The following ALDH1A3 variants were observed in gnomAD, a reference collection of about 807,000 sequenced individuals.
ALDH1A3 encodes retinaldehyde dehydrogenase 3.
Under a neutral mutation model 57.5 loss-of-function variants are expected in ALDH1A3, and 28 were observed. The observed-to-expected ratio is 0.49, with a 90% CI of 0.36 to 0.67. ALDH1A3 has a LOEUF of 0.67. Ranked by LOEUF, ALDH1A3 falls within the 30% of genes least tolerant of loss-of-function variation. The pLI, the probability that ALDH1A3 is intolerant of heterozygous loss-of-function variation, is 0.00. For synonymous variants in ALDH1A3, 281 were observed against 264.8 expected (o/e 1.06, Z -0.59); for missense variants, 507 against 669.4 (o/e 0.76, Z 2.68).
chr15:100,898,912 C>T (rs1438622849), intron 8 of ALDH1A3, among the ~76,000 whole-genome samples: 1 of 152,184 alleles, frequency 6.6e-6, no homozygotes, highest in Non-Finnish European at 1.5e-5. Context: ...GTGTGACTTC[C>T]CAAGTGCCTT....
rs560418569 is a variant in ALDH1A3 at position 100,887,700 on chromosome 15, C to T, written c.333C>T (p.Arg111=). The T allele has an allele frequency of 6.1e-5, 98 of 1,603,640 alleles. No homozygotes were observed. Among genetic ancestry groups the T allele is most frequent in the Admixed American group, 1.9e-4 (11 of 58,970 alleles). The part of the protein sequence containing the change: ...HQLADLVERD[R]ATLAALETMD... The stretch of plus-strand genomic sequence containing the variant: ...TGGCTGACCTGGTGGAGAGGGACCG[C>T]GCCACCTTGGCCGTGAGTACATGCA... Residue 111 remains arginine (R), a synonymous_variant, in exon 3 of 13, where the codon CGC becomes CGT. Coordinates refer to ENST00000329841, the MANE Select transcript of ALDH1A3 (RefSeq NM_000693.4). The surrounding 1 kb of genome is among the most constrained non-coding windows in gnomAD (Gnocchi z 4.6).
intron 1 of ALDH1A3, chr15:100,880,252 C>T (rs2041533264): frequency 7.7e-6 from 3 of 389,518 alleles, no homozygotes; most frequent in Admixed American, 8.9e-5. Flanking sequence ...GTCCAGCGCC[C>T]GCGCGGGGCC....
chr15:100,891,114 CA>C (rs2041644934), intron 3 of ALDH1A3, among the ~76,000 whole-genome samples: 2 of 152,358 alleles, frequency 1.3e-5, no homozygotes, highest in Non-Finnish European at 2.9e-5. Context: ...TCAGTGTAAT[CA>C]TCAGTGTTCT....
chr15:100,892,571 G>A lies in ALDH1A3; in HGVS notation c.407G>A (p.Gly136Asp). The change falls in exon 4 of 13, where the codon GGC (glycine) becomes GAC (aspartate). Residue 136 changes from glycine (G) to aspartate (D), a missense_variant. Gly to Asp is a moderately conservative substitution (Grantham distance 94). Around this residue, in one of 2 missense-constraint regions of ALDH1A3, gnomAD observed 432 missense variants for 608.4 expected, o/e 0.71. Transcript: ENST00000329841. ...FLHAFFIDLE[G>D]CIRTLRYFAG... is the part of the protein sequence containing the mutation. Reference sequence around the variant, plus strand: ...CATGCTTTTTTCATCGACCTGGAGGGCTGTATTAGAACCCTCAGATACTTT... The same window carrying A: ...CATGCTTTTTTCATCGACCTGGAGGACTGTATTAGAACCCTCAGATACTTT... The A allele has an allele frequency of 6.2e-7, 1 of 1,613,400 alleles. No homozygotes were observed. The highest frequency in any genetic ancestry group is 8.5e-7 in the Non-Finnish European group (1 of 1,179,772).
chr15:100,886,357 G>A (rs757386099), intron 2 of ALDH1A3, among the ~76,000 whole-genome samples: 13 of 152,200 alleles, frequency 8.5e-5, no homozygotes, highest in Non-Finnish European at 1.8e-4. Context: ...CAAGTGCCCC[G>A]TACAGGTGCT....
chr15:100,892,521 G>A lies in ALDH1A3; in HGVS notation c.357G>A (p.Thr119=), dbSNP rs1260832164. 4.3e-6 allele frequency: 7 copies of A among 1,612,570 alleles called. No homozygotes were observed. Among genetic ancestry groups the A allele is most frequent in the African/African-American group, 4.0e-5 (3 of 74,846 alleles). ...TCTTGTTATTGCAGGCCCTGGAGAC[G>A]ATGGATACAGGGAAGCCATTTCTTC... ...RDRATLAALE[T]MDTGKPFLHA... is the part of the protein sequence containing the mutation. The change falls in exon 4 of 13, where the codon ACG becomes ACA. Residue 119 remains threonine, a synonymous_variant. Coordinates refer to ENST00000329841, the MANE Select transcript of ALDH1A3 (RefSeq NM_000693.4).
chr15:100,880,175 C>A, intron 1 of ALDH1A3, 169 bp downstream of exon 1: 1 of 426,084 alleles, frequency 2.3e-6, no homozygotes. Flanking sequence ...TTTCGCGGGA[C>A]GTCTCGGGCG....
At position 100,915,731 on chromosome 15, in the gene ALDH1A3, T is replaced by C. The variant is rs1440287033; in HGVS notation, c.*958T>C. On this transcript the variant is annotated 3_prime_UTR_variant, in exon 13 of 13. Transcript: ENST00000329841. ...TCCAGTTCTGTTACCCAATTTAGAT[T>C]AGTAAAGCGTACACAACTGGAAAGA... 1 of 152,234 alleles carries C rather than the reference T, an allele frequency of 6.6e-6. No homozygotes were observed. The highest frequency in any genetic ancestry group is 2.4e-5 in the African/African-American group (1 of 41,460). 9.4% of individuals were successfully genotyped at this position (152,234 alleles called of 1,614,324 possible). A position where few individuals can be genotyped will look rare whatever the true frequency, so the allele number is the denominator to read the frequency against.
chr15:100,900,941 G>A (rs570413709), intron 9 of ALDH1A3, among the ~76,000 whole-genome samples, 182 bp downstream of exon 9: 4 of 152,306 alleles, frequency 2.6e-5, no homozygotes, highest in South Asian at 4.1e-4. Flanking sequence ...GGGGGCTCAC[G>A]AAAGGGGGCA....
chr15:100,897,967 G>A (rs1203764155), intron 7 of ALDH1A3, 116 bp from the exon 8 acceptor site: 15 of 910,460 alleles, frequency 1.6e-5, no homozygotes, highest in Middle Eastern at 2.2e-4. Context: ...CGCCTGGGCC[G>A]AGAGCCAGGT....
chr15:100,912,461 G>A (rs2041890448), intron 12 of ALDH1A3, among the ~76,000 whole-genome samples: 1 of 152,108 alleles, frequency 6.6e-6, no homozygotes, highest in Non-Finnish European at 1.5e-5. Context: ...TTCACACAGT[G>A]TTGTAAATTT....
chr15:100,891,141 C>A (rs746832040), intron 3 of ALDH1A3, among the ~76,000 whole-genome samples: 2 of 152,196 alleles, frequency 1.3e-5, no homozygotes, highest in African/African-American at 2.4e-5. Context: ...GAACACCAAT[C>A]CAGCACTCAC....
At chr15:100,901,890 A>G (rs2041772690) in intron 9 of ALDH1A3, among the ~76,000 whole-genome samples, 1 of 152,150 alleles carries the variant, frequency 6.6e-6, no homozygotes, top group South Asian at 2.1e-4. Flanking sequence ...CCCAGTCCAC[A>G]CACTCCGACG....
intron 12 of ALDH1A3, among the ~76,000 whole-genome samples, chr15:100,909,392 G>A (rs919550576): frequency 6.7e-6 from 1 of 148,504 alleles, no homozygotes; most frequent in Non-Finnish European, 1.5e-5. Context: ...ACCCCTTTGT[G>A]TGTGTGCAAA....
intron 1 of ALDH1A3, among the ~76,000 whole-genome samples, chr15:100,884,845 T>C (rs1039357109): frequency 2.3e-4 from 35 of 152,130 alleles, no homozygotes; most frequent in Admixed American, 1.8e-3. Flanking sequence ...TCCTTACCCT[T>C]CAGGGGCAGG....
chr15:100,899,145 G>A (rs988441043), intron 8 of ALDH1A3, among the ~76,000 whole-genome samples: 1 of 152,188 alleles, frequency 6.6e-6, no homozygotes, highest in Non-Finnish European at 1.5e-5. Context: ...GACAGGAGGA[G>A]GATACAGGCT....
At chr15:100,913,260 A>G (rs1191578920) in intron 12 of ALDH1A3, 1 of 152,268 alleles carries the variant, frequency 6.6e-6, no homozygotes, top group African/African-American at 2.4e-5. Context: ...TTACCATAAC[A>G]TCAGTGGCTT....
At chr15:100,905,870 C>T (rs1204589818) in intron 10 of ALDH1A3, among the ~76,000 whole-genome samples, 183 bp downstream of exon 10, 1 of 151,996 alleles carries the variant, frequency 6.6e-6, no homozygotes, top group South Asian at 2.1e-4. Context: ...CTAGGGAAGC[C>T]GTTTTGTCCT....
intron 12 of ALDH1A3, among the ~76,000 whole-genome samples, chr15:100,911,740 G>A (rs1025253182): frequency 2.6e-5 from 4 of 152,212 alleles, no homozygotes; most frequent in African/African-American, 9.7e-5. Flanking sequence ...GGTTGAATAA[G>A]AGCAGCAAGA....
Sources: allele counts gnomAD v4.1 joint callset (sites outside exome capture counted in the v4.1 genomes callset), GRCh38; gene constraint gnomAD v4.1.1; regional missense constraint gnomAD v4.1.1; non-coding constraint Gnocchi (gnomAD v3.1); transcripts MANE v1.5; gene names NCBI Gene and HGNC (gene_info 2026-07-23, HGNC 2026-07-21).